Variants in N4BP2 observed in about 807,000 individuals in gnomAD.
The protein encoded by N4BP2 is NEDD4 binding protein 2.
N4BP2 carries 91 observed loss-of-function variants against 152.8 expected under a neutral mutation model. The observed-to-expected ratio is 0.60, with a 90% CI of 0.50 to 0.71. The LOEUF (loss-of-function observed/expected upper bound fraction) is 0.71. Among genes scored for constraint, N4BP2 ranks in the 30% least tolerant of loss-of-function variants. The pLI is 0.00. For synonymous variants in N4BP2, 646 were observed against 705.3 expected (o/e 0.92, Z 1.33); for missense variants, 1,923 against 2,059.1 (o/e 0.93, Z 1.28).
chr4:40,089,381 G>C (rs1035924000), intron 2 of N4BP2, among the ~76,000 whole-genome samples: 2 of 149,868 alleles, frequency 1.3e-5, no homozygotes, highest in African/African-American at 4.9e-5. Flanking sequence ...TTTTAGCCAG[G>C]TCTTTCATCA....
chr4:40,104,242 G>A (rs1418587511), intron 4 of N4BP2, among the ~76,000 whole-genome samples: 3 of 150,412 alleles, frequency 2.0e-5, no homozygotes, highest in East Asian at 1.9e-4. Context: ...GTGAGCCACC[G>A]CGCCTGGCTT....
Position 40,120,438 on chromosome 4 carries a change from T to C in N4BP2, c.2327T>C (p.Leu776Ser), listed in dbSNP as rs1419892103. 3 of 1,613,858 alleles carry C rather than the reference T, an allele frequency of 1.9e-6. No individual in the cohort carries two copies. Among genetic ancestry groups the C allele is most frequent in the Non-Finnish European group, 2.5e-6 (3 of 1,180,024 alleles). ...AFGKQKSKST[L>S]EKFPRHELSN... ...GGGAAACAAAAAAGCAAATCGACTTTGGAAAAGTTCCCAAGACATGAGCTA... is the reference window on the plus strand; with the variant it reads ...GGGAAACAAAAAAGCAAATCGACTTCGGAAAAGTTCCCAAGACATGAGCTA... Residue 776 changes from leucine to serine, a missense_variant, in exon 9 of 18, where the codon TTG becomes TCG. Transcript: ENST00000261435.
intron 13 of N4BP2, among the ~76,000 whole-genome samples, chr4:40,135,194 C>T (rs1260271196): frequency 1.3e-5 from 2 of 148,902 alleles, no homozygotes; most frequent in African/African-American, 4.9e-5. Flanking sequence ...TGAGAATATA[C>T]GGTGTTTGGT....
downstream of N4BP2, among the ~76,000 whole-genome samples, chr4:40,162,820 G>C (rs542783514): frequency 1.9e-4 from 29 of 152,314 alleles, no homozygotes; most frequent in South Asian, 5.6e-3. Context: ...CAGGCCATCT[G>C]CAAGCAGGAG....
Position 40,126,248 on chromosome 4 carries a change from A to G in N4BP2, c.4445A>G (p.Asp1482Gly), listed in dbSNP as rs761022102. ...GCATCTGAAATGCTACCTTTATTGGATCATTGGAATACTCAAACTAAAAAA... is the reference window on the plus strand; with the variant it reads ...GCATCTGAAATGCTACCTTTATTGGGTCATTGGAATACTCAAACTAAAAAA... ...LTASEMLPLL[D>G]HWNTQTKKVS... Residue 1482 changes from aspartate (D) to glycine (G), a missense_variant, in exon 12 of 18, where the codon GAT becomes GGT. Asp to Gly is a moderately conservative substitution (Grantham distance 94). Transcript: ENST00000261435. The G allele has an allele frequency of 6.2e-7, 1 of 1,606,080 alleles. No individual in the cohort carries two copies. The highest frequency in any genetic ancestry group is 1.7e-4 in the Middle Eastern group (1 of 6,030).
In N4BP2 at chr4:40,097,429, G is replaced by T. The variant is rs748112633; in HGVS notation, c.89G>T (p.Arg30Leu). Reference sequence around the variant, plus strand: ...GTTGTCGTATCCAGTGTTGCTAGTCGTGAGGAGCCAACCACTACTCTACCT... The same window carrying T: ...GTTGTCGTATCCAGTGTTGCTAGTCTTGAGGAGCCAACCACTACTCTACCT... ...KEVVVSSVAS[R>L]EEPTTTLPSM... The change falls in exon 3 of 18, where the codon CGT becomes CTT. Residue 30 changes from arginine (R) to leucine (L), a missense_variant. Arg to Leu is a moderately radical substitution (Grantham distance 102, BLOSUM62 -2). Transcript: ENST00000261435. 8.4e-5 allele frequency: 136 copies of T among 1,613,946 alleles called. No homozygotes were observed. The highest frequency in any genetic ancestry group is 1.1e-4 in the Non-Finnish European group (131 of 1,179,986).
the N4BP2 span, among the ~76,000 whole-genome samples, chr4:40,171,290 C>G: frequency 6.6e-6 from 1 of 152,174 alleles, no homozygotes; most frequent in Admixed American, 6.5e-5. Context: ...GAGACGAGCT[C>G]TAGGAGAAGG....
At position 40,131,852 on chromosome 4, in the gene N4BP2, A is replaced by C; in HGVS notation, c.4579A>C (p.Lys1527Gln). Residue 1527 changes from lysine (K) to glutamine (Q), a missense_variant, in exon 13 of 18, where the codon AAG (lysine) becomes CAG (glutamine). Coordinates refer to ENST00000261435, the MANE Select transcript of N4BP2 (RefSeq NM_018177.6). The part of the protein sequence containing the change: ...EKDCATKLKE[K>Q]QLFKIFPAIN... ...AGATTGTGCCACTAAACTAAAGGAG[A>C]AGCAGCTCTTTAAGATATTTCCAGC... The C allele has an allele frequency of 6.2e-7, 1 of 1,613,678 alleles. No homozygotes were observed. Among genetic ancestry groups the C allele is most frequent in the Non-Finnish European group, 8.5e-7 (1 of 1,179,762 alleles).
intron 12 of N4BP2, among the ~76,000 whole-genome samples, chr4:40,128,748 G>A (rs1718646992): frequency 6.6e-6 from 1 of 151,424 alleles, no homozygotes; most frequent in African/African-American, 2.4e-5. Context: ...GGCTGGTCTT[G>A]AACTCCTGAC....
At chr4:40,119,911 C>A (rs768592357) in intron 8 of N4BP2, 21 bp from the exon 9 acceptor site, 24 of 1,167,300 alleles carry the variant, frequency 2.1e-5, no homozygotes, top group Admixed American at 4.7e-5. Flanking sequence ...TCTCATGATA[C>A]TCTTTAAAAT....
At chr4:40,147,487 G>A (rs1328958993) in intron 16 of N4BP2, among the ~76,000 whole-genome samples, 4 of 150,300 alleles carry the variant, frequency 2.7e-5, no homozygotes, top group South Asian at 4.2e-4. Flanking sequence ...CAGAAGGGGC[G>A]GCCGGGCAGA....
Position 40,103,078 on chromosome 4 carries a change from G to A in N4BP2, c.1233G>A (p.Trp411Ter). Reference protein sequence around the residue: ...VISHTSPTKVWRNKDGTSAYQ... With the variant: ...VISHTSPTKV Reference sequence around the variant, plus strand: ...CTCACACTTCCCCAACAAAAGTATGGAGAAATAAAGATGGAACAAGTGCTT... The same window carrying A: ...CTCACACTTCCCCAACAAAAGTATGAAGAAATAAAGATGGAACAAGTGCTT... Residue 411 changes from tryptophan to a stop codon, truncating the protein, a stop_gained, in exon 4 of 18, where the codon TGG (tryptophan) becomes TGA (stop). Transcript: ENST00000261435. LOFTEE classifies it high-confidence loss of function. 1 of 1,614,146 alleles carries A rather than the reference G, an allele frequency of 6.2e-7. No individual in the cohort carries two copies. Among genetic ancestry groups the A allele is most frequent in the Non-Finnish European group, 8.5e-7 (1 of 1,180,026 alleles).
At position 40,103,046 on chromosome 4, in the gene N4BP2, G is replaced by A; in HGVS notation, c.1201G>A (p.Val401Ile). 6.2e-7 allele frequency: 1 copy of A among 1,614,194 alleles called. No individual in the cohort carries two copies. Among genetic ancestry groups the A allele is most frequent in the African/African-American group, 1.3e-5 (1 of 75,052 alleles). Reference protein sequence around the residue: ...RSVNYTFPPSVISHTSPTKVW... With the variant: ...RSVNYTFPPSIISHTSPTKVW... ...TGTCAACTACACATTTCCACCCTCA[G>A]TTATTTCTCACACTTCCCCAACAAA... The change falls in exon 4 of 18, where the codon GTT becomes ATT. Residue 401 changes from valine (V) to isoleucine (I), a missense_variant. Coordinates refer to ENST00000261435, the MANE Select transcript of N4BP2 (RefSeq NM_018177.6).
At chr4:40,160,801 A>G (rs1721837326), downstream of N4BP2, among the ~76,000 whole-genome samples, 1 of 152,216 alleles carries the variant, frequency 6.6e-6, no homozygotes, top group Non-Finnish European at 1.5e-5. Flanking sequence ...CTAAGTGAGA[A>G]TATTAGAGGC....
At position 40,120,894 on chromosome 4, in the gene N4BP2, A is replaced by G. The variant is rs780417256; in HGVS notation, c.2783A>G (p.Glu928Gly). The G allele has an allele frequency of 2.4e-5, 39 of 1,613,994 alleles. No homozygotes were observed. Among genetic ancestry groups the G allele is most frequent in the Non-Finnish European group, 3.2e-5 (38 of 1,180,020 alleles). Residue 928 changes from glutamate to glycine, a missense_variant, in exon 9 of 18, where the codon GAG becomes GGG. Transcript: ENST00000261435. Reference protein sequence around the residue: ...MNEISLSTAHEACWGTSSQKL... With the variant: ...MNEISLSTAHGACWGTSSQKL... ...GAAATATCCTTATCTACAGCACATG[A>G]GGCCTGTTGGGGCACAAGCTCTCAA...
chr4:40,160,685 C>T (rs187805468), downstream of N4BP2, among the ~76,000 whole-genome samples: 229 of 152,298 alleles, frequency 1.5e-3, no homozygotes, highest in Admixed American at 2.7e-3. Flanking sequence ...AAAACTCAGA[C>T]TGACTCCCTA....
At chr4:40,184,958 A>AAAATAAAT in the N4BP2 span, among the ~76,000 whole-genome samples, 238 of 151,624 alleles carry the variant, frequency 1.6e-3, no homozygotes, top group Admixed American at 3.0e-3. Flanking sequence ...TCTGTCTCAA[A>AAAATAAAT]AAATAAATAA....
Position 40,113,417 on chromosome 4 carries a change from C to T in N4BP2, c.1588-15C>T, listed in dbSNP as rs372862196. On this transcript the variant is annotated splice_polypyrimidine_tract_variant and intron_variant, in intron 6 of 17. Coordinates refer to ENST00000261435, the MANE Select transcript of N4BP2 (RefSeq NM_018177.6). Reference sequence around the variant, plus strand: ...AATACCTATTTTAAAATGTTTTTGTCTTTGTTGTATGTAGTCTCAGAAACA... The same window carrying T: ...AATACCTATTTTAAAATGTTTTTGTTTTTGTTGTATGTAGTCTCAGAAACA... 1 of 1,564,388 alleles carries T rather than the reference C, an allele frequency of 6.4e-7. No homozygotes were observed. Among genetic ancestry groups the T allele is most frequent in the African/African-American group, 1.4e-5 (1 of 73,618 alleles).
chr4:40,088,842 T>C (rs1344575990), intron 2 of N4BP2, among the ~76,000 whole-genome samples: 1 of 152,166 alleles, frequency 6.6e-6, no homozygotes, highest in Non-Finnish European at 1.5e-5. Flanking sequence ...GTTAGTGATG[T>C]TGAACATCTT....
Sources: gnomAD v4.1 joint callset for allele counts (sites outside exome capture counted in the v4.1 genomes callset) on GRCh38, gnomAD v4.1.1 for gene constraint, MANE v1.5 for transcripts, NCBI Gene and HGNC (gene_info 2026-07-23, HGNC 2026-07-21) for gene names.